Variants in SMAP2 observed in about 807,000 individuals in gnomAD.
SMAP2 encodes the protein stromal membrane-associated protein 2.
A neutral mutation model predicts 56.4 loss-of-function variants in SMAP2; 25 were observed. The ratio of observed to expected loss-of-function variants is 0.44; its 90% CI spans 0.32 to 0.62. The LOEUF is 0.62. SMAP2 is among the 20% of genes least tolerant of loss of function. The pLI is 0.04. For synonymous variants in SMAP2, 157 were observed against 181.7 expected (o/e 0.86, Z 1.09); for missense variants, 388 against 545.6 (o/e 0.71, Z 2.88).
chr1:40,363,633 C>G (rs932339618), intron 2 of SMAP2, among the ~76,000 whole-genome samples: 27 of 152,038 alleles, frequency 1.8e-4, no homozygotes, highest in African/African-American at 6.5e-4. Flanking sequence ...TCATATGAAC[C>G]AAAAATACAG....
In SMAP2 at chr1:40,421,978, G is replaced by A. The variant is rs753538753; in HGVS notation, c.1167G>A (p.Met389Ile). The change falls in exon 10 of 10, where the codon ATG becomes ATA. Residue 389 changes from methionine to isoleucine, a missense_variant and splice_region_variant. Physicochemically the swap from Met to Ile is conservative, Grantham distance 10. Coordinates refer to ENST00000372718, the MANE Select transcript of SMAP2 (RefSeq NM_022733.3). ...AQQLQWNLTQMTQQMAGMNFY... is the reference protein window; with the variant it reads ...AQQLQWNLTQITQQMAGMNFY... ...AAAGTCTCCTCTCTCCCTTTCAGAT[G>A]ACCCAGCAGATGGCTGGGATGAACT... The A allele has an allele frequency of 1.5e-5, 24 of 1,614,122 alleles. 1 individual carries two copies. In the South Asian group the frequency reaches 2.6e-4, roughly 18 times the overall value.
At chr1:40,421,504 C>CT (rs201833985) in intron 9 of SMAP2, among the ~76,000 whole-genome samples, 2,425 of 152,100 alleles carry the variant, frequency 0.016, 37 homozygotes, top group Non-Finnish European at 0.024. Context: ...AGTCCAGTTC[C>CT]TTTTTTTCCC....
At chr1:40,419,820 G>A (rs1645025332) in intron 9 of SMAP2, among the ~76,000 whole-genome samples, 2 of 152,128 alleles carry the variant, frequency 1.3e-5, no homozygotes, top group Admixed American at 1.3e-4. Flanking sequence ...CCAGAGAGGT[G>A]GTATGGTGCA....
chr1:40,385,764 G>C lies in SMAP2; in HGVS notation c.103+11541G>C, dbSNP rs1569858152. 6.6e-6 allele frequency among the ~76,000 whole-genome samples: 1 copy of C among 152,228 alleles called. No homozygotes were observed. Among genetic ancestry groups the C allele is most frequent in the Non-Finnish European group, 1.5e-5 (1 of 68,040 alleles). The stretch of plus-strand genomic sequence containing the variant: ...CACAGAGCTTACATCTTTAGATGTG[G>C]GTTTACATGTTAATCCTACAATGTT... On this transcript the variant is annotated intron_variant, in intron 1 of 9. Transcript: ENST00000372718. The surrounding 1 kb of genome is among the most constrained non-coding windows in gnomAD (Gnocchi z 4.5).
At chr1:40,376,818 G>C (rs184320696) in intron 1 of SMAP2, among the ~76,000 whole-genome samples, 1 of 152,202 alleles carries the variant, frequency 6.6e-6, no homozygotes, top group East Asian at 1.9e-4. Context: ...GATATGGTGA[G>C]TGATTGCTCA....
At chr1:40,388,034 T>C (rs904335883) in intron 1 of SMAP2, among the ~76,000 whole-genome samples, 1 of 152,134 alleles carries the variant, frequency 6.6e-6, no homozygotes, top group Middle Eastern at 3.2e-3. Flanking sequence ...CCCCCAGCAG[T>C]GCCGGCCCAC....
At chr1:40,421,843 T>A in intron 9 of SMAP2, 133 bp from the exon 10 acceptor site, 1 of 999,372 alleles carries the variant, frequency 1.0e-6, no homozygotes, top group South Asian at 1.5e-5. Context: ...GTCCAGGGTT[T>A]ACTGTCCATA....
At chr1:40,351,484 A>C (rs961200135) in intron 1 of SMAP2, among the ~76,000 whole-genome samples, 1 of 152,144 alleles carries the variant, frequency 6.6e-6, no homozygotes, top group African/African-American at 2.4e-5. Context: ...CTCCTTAAAG[A>C]AATGATTCTT....
chr1:40,362,513 C>T (rs1407909850), intron 2 of SMAP2: 3 of 152,076 alleles, frequency 2.0e-5, no homozygotes, highest in Non-Finnish European at 2.9e-5. Context: ...GTTGGCAACT[C>T]TTTTTTTTCT....
chr1:40,354,801 G>T (rs396013), intron 1 of SMAP2, among the ~76,000 whole-genome samples: 1 of 42,736 alleles, frequency 2.3e-5, no homozygotes, highest in Non-Finnish European at 4.1e-5. Context: ...TTTTGAGACA[G>T]AGTCTCACTC....
chr1:40,360,805 A>G (rs1644456745), intron 1 of SMAP2, among the ~76,000 whole-genome samples: 2 of 152,198 alleles, frequency 1.3e-5, no homozygotes, highest in Admixed American at 1.3e-4. Flanking sequence ...CATTTAGATC[A>G]ATCCTCACCA....
Position 40,418,416 on chromosome 1 carries a change from A to G in SMAP2, c.1164+1320A>G, listed in dbSNP as rs558368048. Among the ~76,000 whole-genome samples, 8 of 152,360 alleles carry G rather than the reference A, an allele frequency of 5.3e-5. No individual in the cohort carries two copies. In the East Asian group the frequency reaches 1.5e-3, roughly 29 times the overall value. ...TGGAAGTTAGGCAAAGAAAACTTACATATATTTGGAGATGCCCAAAGAAAT... is the reference window on the plus strand; with the variant it reads ...TGGAAGTTAGGCAAAGAAAACTTACGTATATTTGGAGATGCCCAAAGAAAT... On this transcript the variant is annotated intron_variant, in intron 9 of 9. Coordinates refer to ENST00000372718, the MANE Select transcript of SMAP2 (RefSeq NM_022733.3).
intron 1 of SMAP2, among the ~76,000 whole-genome samples, chr1:40,376,553 C>T (rs1005640963): frequency 6.6e-6 from 1 of 152,172 alleles, no homozygotes; most frequent in African/African-American, 2.4e-5. Flanking sequence ...TCCCATTCCA[C>T]CCCTCCAAGC....
chr1:40,416,470 A>G (rs1328353530), intron 8 of SMAP2, 129 bp downstream of exon 8: 6 of 1,000,122 alleles, frequency 6.0e-6, no homozygotes, highest in South Asian at 3.2e-5. Flanking sequence ...AAACCTGAAC[A>G]TGACCAACGT....
intron 1 of SMAP2, among the ~76,000 whole-genome samples, chr1:40,405,346 A>G (rs1208279845): frequency 6.6e-6 from 1 of 152,126 alleles, no homozygotes; most frequent in African/African-American, 2.4e-5. Flanking sequence ...AATATTAGCC[A>G]GGCAGGGTGG....
At position 40,389,925 on chromosome 1, in the gene SMAP2, G is replaced by A. The variant is rs1033475359; in HGVS notation, c.103+15702G>A. ...CCACCTCCACCCACTCCCCTCCCCC[G>A]CCCACCCCCAGACCTGCCCTGAGTT... On this transcript the variant is annotated intron_variant, in intron 1 of 9. Coordinates refer to ENST00000372718, the MANE Select transcript of SMAP2 (RefSeq NM_022733.3). Among the ~76,000 whole-genome samples the A allele has an allele frequency of 1.6e-4, 4 of 25,426 alleles. No individual in the cohort carries two copies. In the East Asian group the frequency reaches 3.9e-3, roughly 25 times the overall value. 16.7% of individuals were successfully genotyped at this position (25,426 alleles called of 152,430 possible). A position where few individuals can be genotyped will look rare whatever the true frequency, so the allele number is the denominator to read the frequency against.
Position 40,374,596 on chromosome 1 carries a change from CGTGT to C in SMAP2, c.103+399_103+402del, listed in dbSNP as rs72258841. ...ACTGCATTGCGTGCGTGCGTGCGTG[CGTGT>C]GTGTGTGTGTGTGTGTGTGTGTGTG... On this transcript the variant is annotated intron_variant, in intron 1 of 9. Coordinates refer to ENST00000372718, the MANE Select transcript of SMAP2 (RefSeq NM_022733.3). The surrounding 1 kb of genome is among the most constrained non-coding windows in gnomAD (Gnocchi z 5.9). 5.3e-3 allele frequency: 5,248 copies of C among 994,922 alleles called. 7 individuals carry two copies. The highest frequency in any genetic ancestry group is 0.027 in the East Asian group (935 of 34,906). The allele number at this position is 994,922 out of a possible 1,614,324, so 61.6% of individuals were successfully genotyped here.
intron 1 of SMAP2, among the ~76,000 whole-genome samples, chr1:40,398,601 G>A (rs1275293800): frequency 2.6e-5 from 4 of 151,996 alleles, no homozygotes; most frequent in African/African-American, 4.8e-5. Context: ...CATTCTTAAC[G>A]TATTTCTTTG....
intron 1 of SMAP2, among the ~76,000 whole-genome samples, chr1:40,388,116 G>C (rs939630236): frequency 6.6e-6 from 1 of 152,172 alleles, no homozygotes; most frequent in Non-Finnish European, 1.5e-5. Flanking sequence ...CCTGCAGCCC[G>C]CCATGCCTGA....
Sources: allele counts gnomAD v4.1 joint callset (sites outside exome capture counted in the v4.1 genomes callset), GRCh38; gene constraint gnomAD v4.1.1; non-coding constraint Gnocchi (gnomAD v3.1); transcripts MANE v1.5; gene names NCBI Gene and HGNC (gene_info 2026-07-23, HGNC 2026-07-21).